The following TNRC6B variants were observed in gnomAD, a reference collection of about 807,000 sequenced individuals.
The protein encoded by TNRC6B is trinucleotide repeat-containing gene 6B protein.
In TNRC6B, 52 loss-of-function variants were observed where a neutral mutation model predicts 203.6. That is an observed-to-expected ratio of 0.26 (90% CI 0.20 to 0.32). The LOEUF (loss-of-function observed/expected upper bound fraction) is 0.32. Ranked by LOEUF, TNRC6B falls within the 10% of genes least tolerant of loss-of-function variation. TNRC6B has a pLI of 1.00. For synonymous variants in TNRC6B, 838 were observed against 845.7 expected (o/e 0.99, Z 0.16); for missense variants, 1,923 against 2,286.2 (o/e 0.84, Z 3.24).
intron 1 of TNRC6B, among the ~76,000 whole-genome samples, chr22:40,090,405 T>G (rs1361385003): frequency 1.3e-5 from 2 of 151,682 alleles, no homozygotes; most frequent in Admixed American, 6.6e-5. Flanking sequence ...CTCATTGTTT[T>G]TTTTTTTTTT....
chr22:40,186,103 G>A (rs1038688715), intron 1 of TNRC6B, among the ~76,000 whole-genome samples: 1 of 152,112 alleles, frequency 6.6e-6, no homozygotes, highest in Non-Finnish European at 1.5e-5. Flanking sequence ...GGGAGAGGAT[G>A]AGGTCACCAT....
At position 40,314,988 on chromosome 22, in the gene TNRC6B, G is replaced by T. The variant is rs556820962; in HGVS notation, c.4679-295G>T. 2.6e-5 allele frequency among the ~76,000 whole-genome samples: 4 copies of T among 152,282 alleles called. No homozygotes were observed. In the East Asian group the frequency reaches 5.8e-4, roughly 22 times the overall value. On this transcript the variant is annotated intron_variant, in intron 19 of 22. Coordinates refer to ENST00000454349, the MANE Select transcript of TNRC6B (RefSeq NM_001162501.2). Reference sequence around the variant, plus strand: ...TTAGGAAGACTTTCTCCTTGAATGTGTCCTCCTTTTCAAGTCATTTTTAGC... The same window carrying T: ...TTAGGAAGACTTTCTCCTTGAATGTTTCCTCCTTTTCAAGTCATTTTTAGC...
chr22:40,222,990 A>C (rs1364547515), intron 1 of TNRC6B, among the ~76,000 whole-genome samples: 1 of 151,590 alleles, frequency 6.6e-6, no homozygotes, highest in Non-Finnish European at 1.5e-5. Flanking sequence ...TGAGCAGGCC[A>C]CCCGCCTTGT....
chr22:40,266,282 A>T lies in TNRC6B; in HGVS notation c.2052A>T (p.Ser684=). 2 of 1,591,474 alleles carry T rather than the reference A, an allele frequency of 1.3e-6. No individual in the cohort carries two copies. The highest frequency in any genetic ancestry group is 1.7e-4 in the Middle Eastern group (1 of 6,032). Residue 684 remains serine, a synonymous_variant, in exon 5 of 23, where the codon TCA becomes TCT. Transcript: ENST00000454349. The stretch of plus-strand genomic sequence containing the variant: ...TGAAGTCTGGATGGGGGGAGCTCTC[A>T]GCCTCTACAGAGTGGAAAGACCCCA... ...NQMKSGWGEL[S]ASTEWKDPKN... is the part of the protein sequence containing the mutation.
intron 3 of TNRC6B, among the ~76,000 whole-genome samples, chr22:40,139,295 T>C (rs1275625976): frequency 6.6e-6 from 1 of 151,992 alleles, no homozygotes; most frequent in Non-Finnish European, 1.5e-5. Flanking sequence ...TTTGAATGGC[T>C]GAATAATACC....
At chr22:40,045,340 A>C (rs1368367582) in intron 1 of TNRC6B, 1 of 145,362 alleles carries the variant, frequency 6.9e-6, no homozygotes, top group Admixed American at 6.7e-5. Flanking sequence ...CCGGGCAGGC[A>C]CTGGCGGGCG....
intron 1 of TNRC6B, among the ~76,000 whole-genome samples, chr22:40,197,753 T>G (rs1407185563): frequency 3.3e-5 from 5 of 151,712 alleles, no homozygotes; most frequent in African/African-American, 1.2e-4. Flanking sequence ...ACTACAGGCA[T>G]GAGCCACCGT....
chr22:40,071,750 C>G (rs1000328023), intron 1 of TNRC6B, among the ~76,000 whole-genome samples: 11 of 152,138 alleles, frequency 7.2e-5, no homozygotes, highest in African/African-American at 2.7e-4. Context: ...ATTTTGTGTT[C>G]ATTGTATGTT....
At chr22:40,049,671 T>C (rs1169741462) in intron 1 of TNRC6B, among the ~76,000 whole-genome samples, 1 of 151,390 alleles carries the variant, frequency 6.6e-6, no homozygotes, top group African/African-American at 2.4e-5. Context: ...TGGTGTGATT[T>C]TGGCTCGCTG....
chr22:40,180,042 G>A (rs565490713), intron 1 of TNRC6B, among the ~76,000 whole-genome samples: 2 of 152,238 alleles, frequency 1.3e-5, no homozygotes, highest in African/African-American at 4.8e-5. Flanking sequence ...TGTGTAAGAA[G>A]GATTGGAAAC....
rs1294211684 is a variant in TNRC6B at position 40,205,931 on chromosome 22, G to A, written c.5+27791G>A. ...TATTCTTCTCATCTGTCATGACGAA[G>A]GGGTGATCCACGCAATAGTACTTAA... On this transcript the variant is annotated intron_variant, in intron 1 of 22. Coordinates refer to ENST00000454349, the MANE Select transcript of TNRC6B (RefSeq NM_001162501.2). 5.9e-5 allele frequency among the ~76,000 whole-genome samples: 9 copies of A among 152,248 alleles called. No individual in the cohort carries two copies. The South Asian group carries it at 1.9e-3, about 32-fold the overall frequency.
chr22:40,317,228 TA>T (rs368838048), intron 21 of TNRC6B, among the ~76,000 whole-genome samples: 10 of 152,326 alleles, frequency 6.6e-5, no homozygotes, highest in African/African-American at 2.4e-4. Flanking sequence ...TTGTGCTCTG[TA>T]AATAATTAAC....
chr22:40,075,298 A>G (rs1438124383), intron 1 of TNRC6B, among the ~76,000 whole-genome samples: 1 of 149,832 alleles, frequency 6.7e-6, no homozygotes, highest in Non-Finnish European at 1.5e-5. Flanking sequence ...TGCTTCATGC[A>G]TCTTGAGCCT....
chr22:40,242,913 A>C (rs2070051422), intron 1 of TNRC6B, among the ~76,000 whole-genome samples: 1 of 152,054 alleles, frequency 6.6e-6, no homozygotes, highest in Non-Finnish European at 1.5e-5. Flanking sequence ...TCTGTCACCC[A>C]GGCTGGAGTG....
intron 1 of TNRC6B, among the ~76,000 whole-genome samples, chr22:40,109,033 G>A (rs2068311003): frequency 6.6e-6 from 1 of 151,402 alleles, no homozygotes; most frequent in Admixed American, 6.6e-5. Context: ...AATATGCAGT[G>A]TTTGATTTTC....
At chr22:40,100,990 G>A (rs1334498566) in intron 1 of TNRC6B, among the ~76,000 whole-genome samples, 4 of 123,286 alleles carry the variant, frequency 3.2e-5, no homozygotes, top group Non-Finnish European at 1.7e-5. Flanking sequence ...TTTCTCTTCA[G>A]CATTTTTTTT....
At chr22:40,257,573 G>A (rs967208056) in intron 3 of TNRC6B, among the ~76,000 whole-genome samples, 1 of 151,888 alleles carries the variant, frequency 6.6e-6, no homozygotes, top group African/African-American at 2.4e-5. Context: ...AAAATTAGCC[G>A]GGTATGGTGG....
intron 4 of TNRC6B, among the ~76,000 whole-genome samples, chr22:40,170,852 TGTATATATAC>T (rs1352371125): frequency 1.8e-5 from 2 of 111,506 alleles, no homozygotes; most frequent in Non-Finnish European, 3.5e-5. Flanking sequence ...CATATATGTG[TGTATATATAC>T]ATATATGTAC....
intron 12 of TNRC6B, among the ~76,000 whole-genome samples, chr22:40,297,942 G>A (rs569766258): frequency 6.6e-6 from 1 of 151,698 alleles, no homozygotes; most frequent in East Asian, 1.9e-4. Flanking sequence ...CTAACATGGT[G>A]AAACCCCGTC....
Sources: allele counts gnomAD v4.1 joint callset (sites outside exome capture counted in the v4.1 genomes callset), GRCh38; gene constraint gnomAD v4.1.1; transcripts MANE v1.5; gene names NCBI Gene and HGNC (gene_info 2026-07-23, HGNC 2026-07-21).